Variants in ELMO1 observed in about 807,000 individuals in gnomAD.
ELMO1 encodes the protein engulfment and cell motility 1, also known as engulfment and cell motility protein 1.
A neutral mutation model predicts 98.9 loss-of-function variants in ELMO1; 26 were observed. The ratio of observed to expected loss-of-function variants is 0.26; its 90% CI spans 0.19 to 0.36. The LOEUF (loss-of-function observed/expected upper bound fraction) is 0.36. ELMO1 is among the 10% of genes least tolerant of loss of function. ELMO1 has a pLI of 1.00. For synonymous variants in ELMO1, 346 were observed against 346.0 expected (o/e 1.00, Z 0.00); for missense variants, 627 against 935.2 (o/e 0.67, Z 4.30).
intron 1 of ELMO1, among the ~76,000 whole-genome samples, chr7:37,429,986 T>A (rs954686721): frequency 1.3e-5 from 2 of 152,250 alleles, no homozygotes; most frequent in Non-Finnish European, 1.5e-5. Context: ...TGATTCTGAA[T>A]GCAGCTGACT....
At chr7:36,909,605 T>G (rs1784207752) in intron 16 of ELMO1, among the ~76,000 whole-genome samples, 1 of 152,260 alleles carries the variant, frequency 6.6e-6, no homozygotes, top group African/African-American at 2.4e-5. Flanking sequence ...TTGGTAACTA[T>G]GGGCTTGTAC....
chr7:37,371,531 CAA>C (rs898100653), intron 1 of ELMO1, among the ~76,000 whole-genome samples: 22 of 152,044 alleles, frequency 1.4e-4, no homozygotes, highest in Non-Finnish European at 2.1e-4. Flanking sequence ...AGCACAGTAA[CAA>C]AATGGGGGGG....
intron 16 of ELMO1, among the ~76,000 whole-genome samples, chr7:36,928,852 AC>A (rs1785792118): frequency 6.6e-6 from 1 of 152,222 alleles, no homozygotes. Context: ...GTGAGAATGT[AC>A]TAAAGTGTGG....
chr7:37,180,748 G>A (rs1563060192), intron 13 of ELMO1, among the ~76,000 whole-genome samples: 42 of 151,908 alleles, frequency 2.8e-4, no homozygotes. Flanking sequence ...GCTCTAAAGT[G>A]TTTTTTTGGG....
chr7:37,356,197 T>G (rs1343851524), intron 1 of ELMO1, among the ~76,000 whole-genome samples: 1 of 152,208 alleles, frequency 6.6e-6, no homozygotes, highest in Non-Finnish European at 1.5e-5. Flanking sequence ...TTATCTAGTC[T>G]ATCATTGATG....
intron 1 of ELMO1, among the ~76,000 whole-genome samples, chr7:37,352,732 C>A (rs17171008): frequency 0.013 from 1,959 of 152,274 alleles, 47 homozygotes; most frequent in African/African-American, 0.045. Flanking sequence ...TAGCCCAATT[C>A]TTTTGAGTAA....
chr7:37,131,035 C>A (rs894810142), intron 14 of ELMO1, among the ~76,000 whole-genome samples: 3 of 152,134 alleles, frequency 2.0e-5, no homozygotes, highest in Non-Finnish European at 4.4e-5. Context: ...GCCCAGATCA[C>A]TATTTTCACT....
At chr7:37,192,045 G>A (rs933679768) in intron 13 of ELMO1, among the ~76,000 whole-genome samples, 1 of 152,244 alleles carries the variant, frequency 6.6e-6, no homozygotes, top group Non-Finnish European at 1.5e-5. Flanking sequence ...AGAGTTCACA[G>A]AAGAAGAAGA....
chr7:37,418,218 C>T (rs1804312645), intron 1 of ELMO1, among the ~76,000 whole-genome samples: 1 of 152,164 alleles, frequency 6.6e-6, no homozygotes, highest in Non-Finnish European at 1.5e-5. Context: ...TTCATTCCAC[C>T]TTCTTTTTCT....
intron 15 of ELMO1, among the ~76,000 whole-genome samples, chr7:37,026,154 C>T (rs1295615526): frequency 6.6e-6 from 1 of 152,080 alleles, no homozygotes; most frequent in Non-Finnish European, 1.5e-5. Context: ...GGCAAATTTA[C>T]TGTGGATATA....
At chr7:37,409,093 G>A (rs1158518885) in intron 1 of ELMO1, among the ~76,000 whole-genome samples, 1 of 150,572 alleles carries the variant, frequency 6.6e-6, no homozygotes, top group Non-Finnish European at 1.5e-5. Flanking sequence ...TCAGCAGAAA[G>A]GTGATCCGGA....
At chr7:37,193,121 G>A (rs1791740016) in intron 13 of ELMO1, among the ~76,000 whole-genome samples, 1 of 151,592 alleles carries the variant, frequency 6.6e-6, no homozygotes, top group African/African-American at 2.4e-5. Flanking sequence ...TGAGGGATCT[G>A]AAGAATTCAA....
intron 1 of ELMO1, among the ~76,000 whole-genome samples, chr7:37,370,607 G>A (rs1308436750): frequency 2.0e-5 from 3 of 151,942 alleles, no homozygotes; most frequent in African/African-American, 4.8e-5. Flanking sequence ...CAACCCAAAA[G>A]GCATATCCAG....
At chr7:36,993,912 TAC>T (rs1304021769) in intron 16 of ELMO1, among the ~76,000 whole-genome samples, 1 of 152,214 alleles carries the variant, frequency 6.6e-6, no homozygotes, top group Non-Finnish European at 1.5e-5. Context: ...AACAATCACA[TAC>T]ACTGAACCTT....
At position 37,325,320 on chromosome 7, in the gene ELMO1, C is replaced by A. The variant is rs542455547; in HGVS notation, c.79-9360G>T. On this transcript the variant is annotated intron_variant, in intron 2 of 21. Coordinates refer to ENST00000310758, the MANE Select transcript of ELMO1 (RefSeq NM_014800.11). ...CTGTGGGACACTGTCCCCTCCCAGG[C>A]GCGTGGCTGCTGGGCCTGGAAAGGC... Among the ~76,000 whole-genome samples the A allele has an allele frequency of 2.0e-4, 30 of 152,330 alleles. 1 individual carries two copies. The South Asian group carries it at 6.2e-3, about 32-fold the overall frequency.
intron 1 of ELMO1, among the ~76,000 whole-genome samples, chr7:37,395,367 C>CAAAAAAAAAAAA (rs59452486): frequency 1.5e-5 from 1 of 66,190 alleles, no homozygotes; most frequent in Admixed American, 1.9e-4. Flanking sequence ...AACTCCATCT[C>CAAAAAAAAAAAA]AAAAAAAAAA....
chr7:37,368,210 C>T (rs1027664551), intron 1 of ELMO1, among the ~76,000 whole-genome samples: 3 of 152,082 alleles, frequency 2.0e-5, no homozygotes, highest in African/African-American at 4.8e-5. Context: ...GCAAATTTTT[C>T]ATTATTCAGA....
At chr7:37,086,577 T>C (rs971718772) in intron 15 of ELMO1, among the ~76,000 whole-genome samples, 6 of 151,484 alleles carry the variant, frequency 4.0e-5, no homozygotes, top group Non-Finnish European at 5.9e-5. Context: ...AACCCATCTC[T>C]ACTAAAAATA....
intron 16 of ELMO1, among the ~76,000 whole-genome samples, chr7:36,985,457 T>TG (rs199558617): frequency 0.011 from 1,634 of 152,180 alleles, 18 homozygotes; most frequent in Non-Finnish European, 0.018. Context: ...ATTCCGTGGC[T>TG]GGGGGTCTGA....
Sources: gnomAD v4.1 joint callset for allele counts (sites outside exome capture counted in the v4.1 genomes callset) on GRCh38, gnomAD v4.1.1 for gene constraint, MANE v1.5 for transcripts, NCBI Gene and HGNC (gene_info 2026-07-23, HGNC 2026-07-21) for gene names.